Variants in SLC24A2 observed in about 807,000 individuals in gnomAD.
SLC24A2 encodes the protein sodium/potassium/calcium exchanger 2.
SLC24A2 carries 36 observed loss-of-function variants against 62.0 expected under a neutral mutation model. The ratio of observed to expected loss-of-function variants is 0.58; its 90% CI spans 0.44 to 0.77. The LOEUF is 0.77. SLC24A2 is among the 30% of genes least tolerant of loss of function. The pLI is 0.00. For missense variants in SLC24A2, 846 were observed against 817.9 expected (o/e 1.03, Z -0.42); for synonymous variants, 358 against 294.0 (o/e 1.22, Z -2.23).
chr9:19,906,596 A>G, the SLC24A2 span, among the ~76,000 whole-genome samples: 2 of 152,238 alleles, frequency 1.3e-5, no homozygotes, highest in Admixed American at 1.3e-4. Context: ...CTAATAAAGA[A>G]GAAAAGAGAG....
chr9:20,076,342 G>C, the SLC24A2 span, among the ~76,000 whole-genome samples: 1 of 152,190 alleles, frequency 6.6e-6, no homozygotes, highest in Non-Finnish European at 1.5e-5. Context: ...ATAGGAATGA[G>C]ATTGGCACCC....
At chr9:19,956,336 G>T in the SLC24A2 span, among the ~76,000 whole-genome samples, 2 of 152,122 alleles carry the variant, frequency 1.3e-5, no homozygotes, top group African/African-American at 4.8e-5. Context: ...CTGGGTTTTG[G>T]AACAACTTAC....
At chr9:20,166,076 T>C in the SLC24A2 span, among the ~76,000 whole-genome samples, 1 of 151,916 alleles carries the variant, frequency 6.6e-6, no homozygotes, top group Non-Finnish European at 1.5e-5. Context: ...TCAAATGACA[T>C]AAATATAATT....
chr9:19,957,267 C>T, the SLC24A2 span: 1 of 2,694 alleles, frequency 3.7e-4, no homozygotes, highest in South Asian at 0.025. Context: ...CTCAGTTTAA[C>T]AATTTTTAAA....
the SLC24A2 span, among the ~76,000 whole-genome samples, chr9:20,018,148 C>T: frequency 1.3e-5 from 2 of 152,082 alleles, no homozygotes; most frequent in Admixed American, 6.5e-5. Context: ...GGGGTTTCAC[C>T]ATGTTAGCCA....
chr9:19,584,849 T>C (rs1392609388), intron 5 of SLC24A2, among the ~76,000 whole-genome samples: 2 of 152,192 alleles, frequency 1.3e-5, no homozygotes, highest in Non-Finnish European at 2.9e-5. Flanking sequence ...TGAAGCATGA[T>C]GCAAACTACT....
the SLC24A2 span, among the ~76,000 whole-genome samples, chr9:20,257,343 C>T: frequency 6.6e-6 from 1 of 152,148 alleles, no homozygotes; most frequent in Non-Finnish European, 1.5e-5. Flanking sequence ...CATCAAGGTC[C>T]TGAGTTAAAA....
At chr9:19,522,176 T>A (rs941582368) in intron 9 of SLC24A2, among the ~76,000 whole-genome samples, 14 of 151,880 alleles carry the variant, frequency 9.2e-5, no homozygotes, top group Non-Finnish European at 1.6e-4. Flanking sequence ...ACCTGGCTAG[T>A]TTTTTTTAGA....
the SLC24A2 span, among the ~76,000 whole-genome samples, chr9:19,833,007 C>G: frequency 6.6e-6 from 1 of 152,104 alleles, no homozygotes; most frequent in African/African-American, 2.4e-5. Flanking sequence ...TCATCACTGG[C>G]CATCAGAAAA....
the SLC24A2 span, among the ~76,000 whole-genome samples, chr9:20,054,582 C>A: frequency 6.6e-6 from 1 of 152,172 alleles, no homozygotes; most frequent in Non-Finnish European, 1.5e-5. Flanking sequence ...CCTCACCCCC[C>A]TCCCATGCTT....
the SLC24A2 span, among the ~76,000 whole-genome samples, chr9:20,154,839 C>CA: frequency 6.6e-6 from 1 of 151,688 alleles, no homozygotes; most frequent in Admixed American, 6.6e-5. Flanking sequence ...CTCTGTGTGT[C>CA]ACGGCCCTCT....
chr9:19,758,589 T>A (rs998683460), intron 2 of SLC24A2, among the ~76,000 whole-genome samples: 3 of 152,186 alleles, frequency 2.0e-5, no homozygotes, highest in African/African-American at 7.2e-5. Context: ...AAACTCTCCT[T>A]GCTATAAAGC....
chr9:20,150,545 C>G, the SLC24A2 span, among the ~76,000 whole-genome samples: 1 of 145,074 alleles, frequency 6.9e-6, no homozygotes, highest in Non-Finnish European at 1.5e-5. Flanking sequence ...TTCCTATGCC[C>G]ACCAAGGTCT....
the SLC24A2 span, among the ~76,000 whole-genome samples, chr9:19,860,464 T>G: frequency 6.6e-6 from 1 of 152,110 alleles, no homozygotes; most frequent in Non-Finnish European, 1.5e-5. Flanking sequence ...GTTGAGGGCC[T>G]TGGTAAGACA....
In SLC24A2 at chr9:19,785,760, C is replaced by T. The variant is rs968255758; in HGVS notation, c.930+177G>A. On this transcript the variant is annotated intron_variant, in intron 2 of 10. Coordinates refer to ENST00000341998, the MANE Select transcript of SLC24A2 (RefSeq NM_020344.4). ...ACTTAGTAAACATCTGCAAGAATAC[C>T]CCAAAATTATTTTTTCCACTGCTAT... Among the ~76,000 whole-genome samples the T allele has an allele frequency of 3.3e-5, 5 of 152,088 alleles. No individual in the cohort carries two copies. The East Asian group carries it at 9.6e-4, about 29-fold the overall frequency.
At chr9:19,533,296 TC>T (rs936910548) in intron 8 of SLC24A2, among the ~76,000 whole-genome samples, 1 of 152,178 alleles carries the variant, frequency 6.6e-6, no homozygotes, top group African/African-American at 2.4e-5. Context: ...AGTTAATTTT[TC>T]CCCTCTCTTT....
the SLC24A2 span, among the ~76,000 whole-genome samples, chr9:20,002,450 A>C: frequency 7.3e-4 from 110 of 151,144 alleles, no homozygotes; most frequent in Non-Finnish European, 5.9e-5. Context: ...AAATCTACTC[A>C]GGGTATAATC....
At chr9:20,207,380 A>G in the SLC24A2 span, among the ~76,000 whole-genome samples, 1 of 152,196 alleles carries the variant, frequency 6.6e-6, no homozygotes, top group African/African-American at 2.4e-5. Flanking sequence ...TCAGACTGCT[A>G]CTAAATCACA....
Position 19,516,335 on chromosome 9 carries a change from C to A in SLC24A2, c.1804G>T (p.Gly602Cys). Residue 602 changes from glycine (G) to cysteine (C), a missense_variant, in exon 11 of 11, where the codon GGC (glycine) becomes TGC (cysteine). Physicochemically the swap from Gly to Cys is radical, Grantham distance 159. Coordinates refer to ENST00000341998, the MANE Select transcript of SLC24A2 (RefSeq NM_020344.4). ...RFQPVAVSSNGLFCAIVLLFI... is the reference protein window; with the variant it reads ...RFQPVAVSSNCLFCAIVLLFI... ...AGAAGGACGATGGCACAGAAAAGGC[C>A]ATTGCTGCTGACAGCCACTGGCTGG... is the stretch of plus-strand genomic sequence containing the variant. The A allele has an allele frequency of 6.2e-7, 1 of 1,614,128 alleles. No individual in the cohort carries two copies. Among genetic ancestry groups the A allele is most frequent in the Non-Finnish European group, 8.5e-7 (1 of 1,180,006 alleles).
Sources: gnomAD v4.1 joint callset for allele counts (sites outside exome capture counted in the v4.1 genomes callset) on GRCh38, gnomAD v4.1.1 for gene constraint, MANE v1.5 for transcripts, NCBI Gene and HGNC (gene_info 2026-07-23, HGNC 2026-07-21) for gene names.